Variants in EYS observed in about 807,000 individuals in gnomAD.
The protein encoded by EYS is EGF-like photoreceptor maintenance factor, also known as protein eyes shut homolog.
A neutral mutation model predicts 282.1 loss-of-function variants in EYS; 250 were observed. The observed-to-expected ratio is 0.89, with a 90% confidence interval of 0.80 to 0.98. EYS has a LOEUF of 0.98. EYS is among the 50% of genes least tolerant of loss of function. The probability of loss-of-function intolerance (pLI) is 0.00; values close to 1 mark genes in which losing one functional copy is unlikely to be tolerated. For synonymous variants in EYS, 1,355 were observed against 1,282.9 expected (o/e 1.06, Z -1.20); for missense variants, 4,016 against 3,709.0 (o/e 1.08, Z -2.15).
At chr6:63,818,005 T>C (rs762891314) in intron 36 of EYS, among the ~76,000 whole-genome samples, 2 of 152,226 alleles carry the variant, frequency 1.3e-5, no homozygotes, top group Non-Finnish European at 2.9e-5. Context: ...TGGACCTCTA[T>C]AGCAGTCTAG....
At chr6:64,911,185 T>C (rs1482984825) in intron 16 of EYS, among the ~76,000 whole-genome samples, 1 of 152,162 alleles carries the variant, frequency 6.6e-6, no homozygotes, top group African/African-American at 2.4e-5. Context: ...AACTATTTAC[T>C]TGTTTGAATT....
intron 12 of EYS, among the ~76,000 whole-genome samples, chr6:65,069,519 T>C (rs910613464): frequency 6.6e-6 from 1 of 151,920 alleles, no homozygotes; most frequent in Non-Finnish European, 1.5e-5. Flanking sequence ...ACATTGTTTA[T>C]TGTTGATGTC....
At chr6:64,158,515 G>A (rs1775003066) in intron 31 of EYS, among the ~76,000 whole-genome samples, 1 of 152,146 alleles carries the variant, frequency 6.6e-6, no homozygotes, top group South Asian at 2.1e-4. Context: ...GAATTAATTA[G>A]ATAATCTGTC....
At chr6:64,877,960 C>T (rs1766801351) in intron 19 of EYS, among the ~76,000 whole-genome samples, 1 of 152,136 alleles carries the variant, frequency 6.6e-6, no homozygotes, top group African/African-American at 2.4e-5. Context: ...AGGCTGGGTG[C>T]AGTGGCTCAT....
chr6:65,692,942 C>G (rs1471715481), intron 1 of EYS, among the ~76,000 whole-genome samples: 1 of 149,740 alleles, frequency 6.7e-6, no homozygotes, highest in African/African-American at 2.4e-5. Flanking sequence ...TTTTTGATCC[C>G]TTCTTTCATA....
chr6:65,599,468 T>C (rs558917101), intron 2 of EYS, among the ~76,000 whole-genome samples: 3 of 152,248 alleles, frequency 2.0e-5, no homozygotes, highest in Admixed American at 1.3e-4. Context: ...CTTTGTATTA[T>C]CTTTTTCTCT....
intron 22 of EYS, among the ~76,000 whole-genome samples, chr6:64,689,348 C>G (rs1314680429): frequency 6.6e-6 from 1 of 152,106 alleles, no homozygotes; most frequent in Admixed American, 6.5e-5. Flanking sequence ...AAGAACATTC[C>G]ATGCTCTCAG....
At chr6:65,253,950 T>C (rs1263612532) in intron 12 of EYS, among the ~76,000 whole-genome samples, 2 of 151,800 alleles carry the variant, frequency 1.3e-5, no homozygotes, top group Non-Finnish European at 2.9e-5. Flanking sequence ...CTTAATCTCA[T>C]TGAAAATATT....
intron 28 of EYS, among the ~76,000 whole-genome samples, chr6:64,413,510 AGG>A (rs1773970375): frequency 7.0e-6 from 1 of 143,520 alleles, no homozygotes; most frequent in Admixed American, 7.5e-5. Flanking sequence ...AGAAAACAGA[AGG>A]CTATTCTTGT....
At chr6:64,778,958 T>C (rs1264201103) in intron 22 of EYS, among the ~76,000 whole-genome samples, 1 of 152,106 alleles carries the variant, frequency 6.6e-6, no homozygotes, top group Non-Finnish European at 1.5e-5. Context: ...CATCACCTAT[T>C]AGAATGGGTA....
At chr6:64,356,181 C>T (rs1771819218) in intron 29 of EYS, among the ~76,000 whole-genome samples, 3 of 151,138 alleles carry the variant, frequency 2.0e-5, no homozygotes, top group Non-Finnish European at 3.0e-5. Context: ...GGTGACTTGC[C>T]ATTTATGTTT....
intron 8 of EYS, among the ~76,000 whole-genome samples, chr6:65,358,043 GACCTCAGGT>G (rs1582182378): frequency 6.6e-6 from 1 of 151,984 alleles, no homozygotes; most frequent in East Asian, 1.9e-4. Flanking sequence ...GTTTCACAGC[GACCTCAGGT>G]ACTACGGTAA....
intron 31 of EYS, among the ~76,000 whole-genome samples, chr6:64,174,113 T>G (rs1764557172): frequency 6.6e-6 from 1 of 152,154 alleles, no homozygotes; most frequent in Non-Finnish European, 1.5e-5. Context: ...GCATCTAAAA[T>G]AGTCAAATCT....
intron 36 of EYS, among the ~76,000 whole-genome samples, chr6:63,857,053 A>C (rs963041973): frequency 1.3e-5 from 2 of 152,350 alleles, no homozygotes; most frequent in South Asian, 4.1e-4. Flanking sequence ...TGTCATTAAC[A>C]GAAAGTTTCT....
At chr6:63,743,062 G>A (rs1354959311) in intron 41 of EYS, among the ~76,000 whole-genome samples, 1 of 152,028 alleles carries the variant, frequency 6.6e-6, no homozygotes, top group Non-Finnish European at 1.5e-5. Flanking sequence ...TTTTTCTATA[G>A]CGGCTATACC....
At chr6:64,606,680 T>G (rs1766947706) in intron 24 of EYS, among the ~76,000 whole-genome samples, 1 of 152,178 alleles carries the variant, frequency 6.6e-6, no homozygotes, top group African/African-American at 2.4e-5. Flanking sequence ...CAATACATAT[T>G]TTCTTTCTCC....
At chr6:65,147,830 C>T (rs1173983460) in intron 12 of EYS, among the ~76,000 whole-genome samples, 1 of 152,006 alleles carries the variant, frequency 6.6e-6, no homozygotes, top group Non-Finnish European at 1.5e-5. Context: ...AGGAATCTTA[C>T]AAGCATGGTG....
intron 36 of EYS, among the ~76,000 whole-genome samples, chr6:63,832,692 G>C (rs1186599103): frequency 6.6e-6 from 1 of 152,110 alleles, no homozygotes; most frequent in Non-Finnish European, 1.5e-5. Context: ...TAGAAAAAGA[G>C]GGAATACTCC....
intron 22 of EYS, among the ~76,000 whole-genome samples, chr6:64,775,958 T>C (rs1486548463): frequency 6.6e-6 from 1 of 152,046 alleles, no homozygotes; most frequent in Non-Finnish European, 1.5e-5. Context: ...CTATATCAGG[T>C]TCTATCTCTA....
Sources: allele counts gnomAD v4.1 joint callset (sites outside exome capture counted in the v4.1 genomes callset), GRCh38; gene constraint gnomAD v4.1.1; transcripts MANE v1.5; gene names NCBI Gene and HGNC (gene_info 2026-07-23, HGNC 2026-07-21).